ITPRID1: variants seen among roughly 807,000 people sequenced by gnomAD.
ITPRID1 encodes the protein ITPR interacting domain containing 1.
Under a neutral mutation model 95.4 loss-of-function variants are expected in ITPRID1, and 96 were observed. That is an observed-to-expected ratio of 1.01 (90% CI 0.85 to 1.19). The LOEUF is 1.19. ITPRID1 is among the 50% of genes most tolerant of loss of function. The pLI, the probability that ITPRID1 is intolerant of heterozygous loss-of-function variation, is 0.00. For missense variants in ITPRID1, 1,339 were observed against 1,252.9 expected (o/e 1.07, Z -1.04); for synonymous variants, 510 against 453.6 (o/e 1.12, Z -1.58).
intron 1 of ITPRID1, among the ~76,000 whole-genome samples, chr7:31,538,702 A>G (rs929272601): frequency 5.3e-5 from 8 of 152,226 alleles, no homozygotes; most frequent in South Asian, 4.1e-4. Context: ...AGAAATAACC[A>G]CTGTCTTTCT....
At chr7:31,629,591 A>G (rs1211615844) in intron 10 of ITPRID1, among the ~76,000 whole-genome samples, 3 of 152,246 alleles carry the variant, frequency 2.0e-5, no homozygotes, top group East Asian at 1.9e-4. Context: ...AAGATGCTAG[A>G]GGAAGCAGTG....
intron 3 of ITPRID1, among the ~76,000 whole-genome samples, chr7:31,554,006 T>C (rs1784369715): frequency 6.6e-6 from 1 of 152,178 alleles, no homozygotes; most frequent in African/African-American, 2.4e-5. Context: ...CTGGAATGAA[T>C]GCAAATTTGG....
At chr7:31,590,382 A>G (rs1785812907) in intron 10 of ITPRID1, among the ~76,000 whole-genome samples, 1 of 152,226 alleles carries the variant, frequency 6.6e-6, no homozygotes, top group Non-Finnish European at 1.5e-5. Context: ...TGAATATAAT[A>G]AACAAAATGT....
In ITPRID1 at chr7:31,643,629, A is replaced by C; in HGVS notation, c.2259A>C (p.Lys753Asn). 6.2e-7 allele frequency: 1 copy of C among 1,614,052 alleles called. No homozygotes were observed. The highest frequency in any genetic ancestry group is 8.5e-7 in the Non-Finnish European group (1 of 1,179,906). Residue 753 changes from lysine to asparagine, a missense_variant, in exon 12 of 15, where the codon AAA becomes AAC. By Grantham distance (94) the Lys-to-Asn change is moderately conservative (BLOSUM62 0). Transcript: ENST00000615280. ...CAACAGAAACAAGACTGGGGACAAA[A>C]GCAAGACAGTTAAATGATGCTTCCA... ...VTATETRLGT[K>N]ARQLNDASIQ...
chr7:31,563,072 C>T lies in ITPRID1; in HGVS notation c.257-6686C>T, dbSNP rs759085435. Among the ~76,000 whole-genome samples the T allele has an allele frequency of 2.0e-4, 30 of 151,990 alleles. 1 individual carries two copies. Among genetic ancestry groups the T allele is most frequent in the South Asian group, 8.3e-4 (4 of 4,820 alleles). On this transcript the variant is annotated intron_variant, in intron 5 of 14. Transcript: ENST00000615280. ...ATTATCTGATTTCCCCAAAGTTAGT[C>T]GACAAAAGGAGCTCAGTAAAACATA... is the stretch of plus-strand genomic sequence containing the variant.
intron 10 of ITPRID1, among the ~76,000 whole-genome samples, chr7:31,602,185 T>A (rs549605039): frequency 6.6e-6 from 1 of 152,164 alleles, no homozygotes; most frequent in Non-Finnish European, 1.5e-5. Flanking sequence ...TTAGGCAATT[T>A]TATCATTGTT....
chr7:31,627,457 A>C (rs1788568696), intron 10 of ITPRID1, among the ~76,000 whole-genome samples: 1 of 152,138 alleles, frequency 6.6e-6, no homozygotes, highest in African/African-American at 2.4e-5. Context: ...CAGGAGTTCA[A>C]GACCAGCCTG....
intron 1 of ITPRID1, chr7:31,529,912 T>G: frequency 9.4e-7 from 1 of 1,067,684 alleles, no homozygotes; most frequent in East Asian, 2.6e-5. Context: ...TTCTCTCAGT[T>G]GGAATGAAAG....
At chr7:31,561,302 G>A (rs566341210) in intron 5 of ITPRID1, among the ~76,000 whole-genome samples, 25 of 152,304 alleles carry the variant, frequency 1.6e-4, no homozygotes, top group African/African-American at 6.0e-4. Context: ...GATGAAAGCT[G>A]TTGCAGCCAG....
chr7:31,632,440 CCTT>C (rs1307174774), intron 10 of ITPRID1, among the ~76,000 whole-genome samples: 2 of 152,050 alleles, frequency 1.3e-5, no homozygotes, highest in Non-Finnish European at 2.9e-5. Flanking sequence ...GAGCGAGACT[CCTT>C]CTCAAAAAAT....
rs532380568 is a variant in ITPRID1 at position 31,559,069 on chromosome 7, G to T, written c.256+4168G>T. Among the ~76,000 whole-genome samples the T allele has an allele frequency of 9.2e-5, 14 of 152,052 alleles. No homozygotes were observed. In the South Asian group the frequency reaches 2.7e-3, roughly 29 times the overall value. On this transcript the variant is annotated intron_variant, in intron 5 of 14. Transcript: ENST00000615280. The stretch of plus-strand genomic sequence containing the variant: ...TCACCAGTCTATAGGTACAAATTAG[G>T]TTACAATAACATTGGTACCTAAATT...
intron 5 of ITPRID1, among the ~76,000 whole-genome samples, chr7:31,563,244 C>T (rs1033820748): frequency 6.6e-6 from 1 of 152,022 alleles, no homozygotes; most frequent in Admixed American, 6.6e-5. Context: ...AACAAAGGCA[C>T]AGAAATGAGA....
chr7:31,558,153 C>T (rs1784512205), intron 5 of ITPRID1, among the ~76,000 whole-genome samples: 1 of 152,144 alleles, frequency 6.6e-6, no homozygotes, highest in Non-Finnish European at 1.5e-5. Context: ...CTTGCTTATC[C>T]TCTGCCTTCC....
chr7:31,541,126 G>T (rs1783920710), intron 1 of ITPRID1, among the ~76,000 whole-genome samples: 4 of 152,274 alleles, frequency 2.6e-5, no homozygotes, highest in Admixed American at 2.6e-4. Flanking sequence ...TTTTGTTCAT[G>T]GGAGTATACT....
At position 31,643,581 on chromosome 7, in the gene ITPRID1, C is replaced by T. The variant is rs769148535; in HGVS notation, c.2211C>T (p.Cys737=). The part of the protein sequence containing the change: ...GTGPRGTSLE[C]TVCDPVTATE... ...GTCCCAGAGGAACATCTTTAGAATG[C>T]ACTGTGTGTGATCCTGTTACCGCAA... is the stretch of plus-strand genomic sequence containing the variant. The change falls in exon 12 of 15, where the codon TGC becomes TGT. Residue 737 remains cysteine (C), a synonymous_variant. Transcript: ENST00000615280. 6 of 1,613,908 alleles carry T rather than the reference C, an allele frequency of 3.7e-6. No individual in the cohort carries two copies. The Admixed American group carries it at 6.7e-5, about 18-fold the overall frequency.
chr7:31,644,023 A>G, intron 12 of ITPRID1, 70 bp downstream of exon 12: 1 of 1,415,690 alleles, frequency 7.1e-7, no homozygotes. Context: ...GATAATATTC[A>G]GACTTCCTTG....
intron 10 of ITPRID1, among the ~76,000 whole-genome samples, chr7:31,616,517 A>G (rs1787245007): frequency 6.6e-6 from 1 of 151,766 alleles, no homozygotes; most frequent in Admixed American, 6.6e-5. Context: ...TGGGACCCTG[A>G]GGAGAAGGAG....
At chr7:31,631,949 C>T (rs1341376194) in intron 10 of ITPRID1, among the ~76,000 whole-genome samples, 3 of 152,226 alleles carry the variant, frequency 2.0e-5, no homozygotes, top group South Asian at 4.2e-4. Flanking sequence ...TTGATGACGC[C>T]GGCCGACCAG....
chr7:31,519,641 T>A (rs1304697709), intron 1 of ITPRID1, among the ~76,000 whole-genome samples: 2 of 133,518 alleles, frequency 1.5e-5, no homozygotes, highest in African/African-American at 5.6e-5. Flanking sequence ...TATATATATA[T>A]ATATAAATCT....
Sources: gnomAD v4.1 joint callset for allele counts (sites outside exome capture counted in the v4.1 genomes callset) on GRCh38, gnomAD v4.1.1 for gene constraint, MANE v1.5 for transcripts, NCBI Gene and HGNC (gene_info 2026-07-23, HGNC 2026-07-21) for gene names.